RGSL1: variants seen among roughly 807,000 people sequenced by gnomAD.
RGSL1 encodes the protein regulator of G protein signaling like 1, also known as regulator of G protein signaling protein-like.
A neutral mutation model predicts 124.7 loss-of-function variants in RGSL1; 97 were observed. The observed-to-expected ratio is 0.78, with a 90% confidence interval of 0.66 to 0.92. The LOEUF (loss-of-function observed/expected upper bound fraction) is 0.92. RGSL1 is among the 40% of genes least tolerant of loss of function. The pLI, the probability that RGSL1 is intolerant of heterozygous loss-of-function variation, is 0.00. For synonymous variants in RGSL1, 424 were observed against 438.1 expected (o/e 0.97, Z 0.40); for missense variants, 1,233 against 1,288.4 (o/e 0.96, Z 0.66).
intron 6 of RGSL1, among the ~76,000 whole-genome samples, chr1:182,487,402 T>C (rs1330934541): frequency 6.6e-6 from 1 of 152,184 alleles, no homozygotes; most frequent in Non-Finnish European, 1.5e-5. Flanking sequence ...GCTCTTCACA[T>C]GAATGCCACA....
intron 9 of RGSL1, among the ~76,000 whole-genome samples, chr1:182,494,928 T>C (rs1655807958): frequency 6.6e-6 from 1 of 152,202 alleles, no homozygotes; most frequent in Admixed American, 6.5e-5. Context: ...ATAAAGTGTA[T>C]CCCTTGGTCA....
At chr1:182,544,277 T>C (rs946114221) in intron 15 of RGSL1, among the ~76,000 whole-genome samples, 9 of 152,124 alleles carry the variant, frequency 5.9e-5, no homozygotes, top group African/African-American at 2.2e-4. Flanking sequence ...CAGGAGCATG[T>C]TTTTTAATTT....
intron 9 of RGSL1, among the ~76,000 whole-genome samples, chr1:182,506,983 CTTTTTTTTTT>C (rs71127304): frequency 1.0e-5 from 1 of 99,406 alleles, no homozygotes; most frequent in African/African-American, 3.9e-5. Flanking sequence ...GCTCACCTTT[CTTTTTTTTTT>C]TTTTTTTTTT....
intron 4 of RGSL1, among the ~76,000 whole-genome samples, chr1:182,466,014 G>A (rs1041427742): frequency 2.0e-5 from 3 of 151,796 alleles, no homozygotes; most frequent in Non-Finnish European, 2.9e-5. Flanking sequence ...CTCAATATAC[G>A]AAAATGAATG....
intron 9 of RGSL1, among the ~76,000 whole-genome samples, chr1:182,500,910 A>G (rs563594026): frequency 6.6e-6 from 1 of 152,324 alleles, no homozygotes; most frequent in Non-Finnish European, 1.5e-5. Context: ...TTTTCTGTAC[A>G]TTAGATTGTG....
intron 9 of RGSL1, among the ~76,000 whole-genome samples, chr1:182,518,920 C>T (rs1319212187): frequency 1.3e-5 from 2 of 151,804 alleles, no homozygotes; most frequent in African/African-American, 4.8e-5. Context: ...TTCCATGCTG[C>T]CATTTTGGTA....
chr1:182,488,650 C>T lies in RGSL1; in HGVS notation c.1494+303C>T, dbSNP rs1028472294. On this transcript the variant is annotated intron_variant, in intron 7 of 21. Coordinates refer to ENST00000294854, the MANE Select transcript of RGSL1 (RefSeq NM_001137669.2). The stretch of plus-strand genomic sequence containing the variant: ...CTGAGGCAGGAGAATGGTGTGAACC[C>T]GGGAGGCGGAGCTTGCAGTGAGCCG... 7.9e-5 allele frequency: 26 copies of T among 327,438 alleles called. No individual in the cohort carries two copies. In the Middle Eastern group the frequency reaches 4.9e-3, roughly 61 times the overall value. 20.3% of individuals were successfully genotyped at this position (327,438 alleles called of 1,614,324 possible).
chr1:182,519,016 G>A (rs974650737), intron 9 of RGSL1, among the ~76,000 whole-genome samples: 7 of 150,908 alleles, frequency 4.6e-5, no homozygotes, highest in African/African-American at 1.7e-4. Flanking sequence ...AAAATGGGGG[G>A]GGGTAGGTCA....
chr1:182,555,268 A>G (rs1660800084), intron 20 of RGSL1: 1 of 154,664 alleles, frequency 6.5e-6, no homozygotes, highest in African/African-American at 2.4e-5. Flanking sequence ...TATTTCACTT[A>G]AGATAATGGT....
intron 14 of RGSL1, among the ~76,000 whole-genome samples, chr1:182,536,340 A>G (rs750430658): frequency 1.3e-5 from 2 of 152,182 alleles, no homozygotes; most frequent in Non-Finnish European, 2.9e-5. Flanking sequence ...GTTATGTGGT[A>G]AGTATATGTT....
At chr1:182,545,308 C>G (rs377734191) in intron 15 of RGSL1, among the ~76,000 whole-genome samples, 3 of 152,130 alleles carry the variant, frequency 2.0e-5, no homozygotes, top group Non-Finnish European at 4.4e-5. Flanking sequence ...TTTCCATCCT[C>G]TCAATATTTG....
intron 14 of RGSL1, among the ~76,000 whole-genome samples, chr1:182,539,040 A>T (rs1172537742): frequency 1.3e-5 from 2 of 152,224 alleles, no homozygotes; most frequent in African/African-American, 4.8e-5. Flanking sequence ...GGTAAGAGCC[A>T]GCTGTTAAAT....
intron 10 of RGSL1, among the ~76,000 whole-genome samples, 189 bp downstream of exon 10, chr1:182,522,298 T>C (rs532784295): frequency 1.5e-4 from 23 of 152,352 alleles, no homozygotes; most frequent in African/African-American, 5.5e-4. Flanking sequence ...CTATGCTATA[T>C]ATGTATATAT....
At chr1:182,488,532 A>C (rs1558292996) in intron 7 of RGSL1, 185 bp downstream of exon 7, 2 of 601,776 alleles carry the variant, frequency 3.3e-6, no homozygotes, top group Non-Finnish European at 5.7e-6. Context: ...CTCAGTGCAT[A>C]AGATGACTTT....
chr1:182,532,311 A>T lies in RGSL1; in HGVS notation c.2365-351A>T, dbSNP rs111745779. On this transcript the variant is annotated intron_variant, in intron 13 of 21. Coordinates refer to ENST00000294854, the MANE Select transcript of RGSL1 (RefSeq NM_001137669.2). ...TGTTTCCAAATTTGCCTGAGCCTTT[A>T]GTTCTTTATTTCTGTCCTCTTTTCT... Among the ~76,000 whole-genome samples, 293 of 152,160 alleles carry T rather than the reference A, an allele frequency of 1.9e-3. 1 individual carries two copies. Among genetic ancestry groups the T allele is most frequent in the African/African-American group, 6.7e-3 (279 of 41,524 alleles).
intron 21 of RGSL1, among the ~76,000 whole-genome samples, chr1:182,557,818 A>G (rs1271754009): frequency 6.6e-6 from 1 of 152,212 alleles, no homozygotes. Flanking sequence ...GGTTTCTTAC[A>G]TGCTCCCTTC....
chr1:182,460,151 T>C lies in RGSL1; in HGVS notation c.301+18T>C, dbSNP rs1372503292. The C allele has an allele frequency of 2.0e-6, 3 of 1,513,460 alleles. No individual in the cohort carries two copies. The highest frequency in any genetic ancestry group is 2.6e-5 in the East Asian group (1 of 38,936). The allele number at this position is 1,513,460 out of a possible 1,614,324, so 93.8% of individuals were successfully genotyped here. The stretch of plus-strand genomic sequence containing the variant: ...AGAAGGAGGTAAGCATTGGTGTGCA[T>C]GCGTGTGTCTGTGTGTGTGTGTGTG... On this transcript the variant is annotated intron_variant, in intron 4 of 21. Coordinates refer to ENST00000294854, the MANE Select transcript of RGSL1 (RefSeq NM_001137669.2).
intron 17 of RGSL1, chr1:182,550,752 T>A: frequency 4.8e-6 from 1 of 209,592 alleles, no homozygotes; most frequent in Non-Finnish European, 9.4e-6. Context: ...CCAGGTGGGG[T>A]TAGATAGGGA....
chr1:182,452,216 A>G (rs1651899937), intron 1 of RGSL1, among the ~76,000 whole-genome samples: 1 of 152,196 alleles, frequency 6.6e-6, no homozygotes, highest in East Asian at 1.9e-4. Flanking sequence ...CCCATAGCTC[A>G]TGTATATTTA....
Sources: allele counts gnomAD v4.1 joint callset (sites outside exome capture counted in the v4.1 genomes callset), GRCh38; gene constraint gnomAD v4.1.1; transcripts MANE v1.5; gene names NCBI Gene and HGNC (gene_info 2026-07-23, HGNC 2026-07-21).